The following NSD2 variants were observed in gnomAD, a reference collection of about 807,000 sequenced individuals.
NSD2 encodes the protein histone-lysine N-methyltransferase NSD2.
Under a neutral mutation model 139.0 loss-of-function variants are expected in NSD2, and 12 were observed. That is an observed-to-expected ratio of 0.09 (90% CI 0.06 to 0.14). NSD2 has a LOEUF of 0.14. Among genes scored for constraint, NSD2 ranks in the 10% least tolerant of loss-of-function variants. The pLI is 1.00. For synonymous variants in NSD2, 669 were observed against 648.7 expected (o/e 1.03, Z -0.48); for missense variants, 1,155 against 1,745.0 (o/e 0.66, Z 6.02).
At chr4:1,914,413 C>T (rs1344506380) in intron 3 of NSD2, among the ~76,000 whole-genome samples, 1 of 151,914 alleles carries the variant, frequency 6.6e-6, no homozygotes, top group South Asian at 2.1e-4. Context: ...GCAGTCTCCA[C>T]CTCCTGGGTT....
At position 1,981,903 on chromosome 4, in the gene NSD2, TA is replaced by T. The variant is rs2109047083; in HGVS notation, c.*2995del. The stretch of plus-strand genomic sequence containing the variant: ...TCCACGGGGTGTCACAGCCTCACCA[TA>T]CCCTGTTGAGGTGTGAAATGCCCCG... On this transcript the variant is annotated 3_prime_UTR_variant, in exon 22 of 22. Transcript: ENST00000508803. 1 of 398,682 alleles carries T rather than the reference TA, an allele frequency of 2.5e-6. No individual in the cohort carries two copies. Among genetic ancestry groups the T allele is most frequent in the East Asian group, 3.6e-5 (1 of 28,088 alleles). 24.7% of individuals were successfully genotyped at this position (398,682 alleles called of 1,614,324 possible).
chr4:1,925,389 CTTTTTTT>C (rs34335852), intron 5 of NSD2, among the ~76,000 whole-genome samples: 4 of 37,998 alleles, frequency 1.1e-4, no homozygotes, highest in South Asian at 3.9e-3. Context: ...CTTTTTCTTT[CTTTTTTT>C]TTTTTTTTTT....
At chr4:1,878,722 G>C (rs1479046136) in intron 1 of NSD2, among the ~76,000 whole-genome samples, 1 of 152,164 alleles carries the variant, frequency 6.6e-6, no homozygotes, top group Non-Finnish European at 1.5e-5. Flanking sequence ...ATTTTGCCTT[G>C]ATGTGGAGTT....
Position 1,951,085 on chromosome 4 carries a change from C to A in NSD2, c.1895C>A (p.Pro632Gln). Residue 632 changes from proline (P) to glutamine (Q), a missense_variant, in exon 10 of 22, where the codon CCG (proline) becomes CAG (glutamine). Transcript: ENST00000508803. Reference protein sequence around the residue: ...SLTENEVSDSPGDEPSESPYE... With the variant: ...SLTENEVSDSQGDEPSESPYE... ...CTTCATCTCTAGGTCTCGGACAGCCCGGGAGACGAGCCCTCGGAGTCCCCA... is the reference window on the plus strand; with the variant it reads ...CTTCATCTCTAGGTCTCGGACAGCCAGGGAGACGAGCCCTCGGAGTCCCCA... 1 of 1,614,084 alleles carries A rather than the reference C, an allele frequency of 6.2e-7. No homozygotes were observed.
At chr4:1,938,302 G>T in intron 7 of NSD2, 149 bp from the exon 8 acceptor site, 3 of 625,230 alleles carry the variant, frequency 4.8e-6, no homozygotes, top group Non-Finnish European at 7.4e-6. Context: ...TTTCTGCCAC[G>T]AAACTTTTCA....
rs1349122711 is a variant in NSD2, at chr4:1,955,438, T to A, written c.2518+98T>A. 1 of 1,426,762 alleles carries A rather than the reference T, an allele frequency of 7.0e-7. No individual in the cohort carries two copies. Among genetic ancestry groups the A allele is most frequent in the Non-Finnish European group, 9.3e-7 (1 of 1,073,054 alleles). The allele number at this position is 1,426,762 out of a possible 1,614,324, so 88.4% of individuals were successfully genotyped here. Reference sequence around the variant, plus strand: ...TCCTTGTCTGCGCTGTGTTCATTGATGTTGACAGTGTTCTGTGCGTCTTCA... The same window carrying A: ...TCCTTGTCTGCGCTGTGTTCATTGAAGTTGACAGTGTTCTGTGCGTCTTCA... On this transcript the variant is annotated intron_variant, in intron 13 of 21. Coordinates refer to ENST00000508803, the MANE Select transcript of NSD2 (RefSeq NM_001042424.3). The surrounding 1 kb of genome is among the most constrained non-coding windows in gnomAD (Gnocchi z 4.7).
chr4:1,916,825 C>T, intron 3 of NSD2, 46 bp from the exon 4 acceptor site: 4 of 1,568,908 alleles, frequency 2.5e-6, no homozygotes, highest in African/African-American at 1.4e-5. Flanking sequence ...CTAGTTTCAT[C>T]CCAGATTCTA....
intron 5 of NSD2, among the ~76,000 whole-genome samples, chr4:1,929,270 G>GGA (rs1721339654): frequency 6.6e-6 from 1 of 152,098 alleles, no homozygotes; most frequent in Non-Finnish European, 1.5e-5. Context: ...GACTGTCTTG[G>GGA]GAGGAGGGGT....
chr4:1,928,495 C>T (rs866791474), intron 5 of NSD2, among the ~76,000 whole-genome samples: 1 of 152,172 alleles, frequency 6.6e-6, no homozygotes, highest in African/African-American at 2.4e-5. Flanking sequence ...CATACAGTTT[C>T]ACCGTGAAGC....
In NSD2 at chr4:1,918,496, A is replaced by G; in HGVS notation, c.1283A>G (p.Glu428Gly). The part of the protein sequence containing the change: ...IGKSTPQKTA[E>G]ADPRRGVGSP... ...AAGAGTACTCCTCAAAAGACGGCAG[A>G]GGCTGACCCCAGAAGAGGAGTAGGG... The change falls in exon 5 of 22, where the codon GAG (glutamate) becomes GGG (glycine). Residue 428 changes from glutamate (E) to glycine (G), a missense_variant. Glu to Gly is a moderately conservative substitution (Grantham distance 98, BLOSUM62 -2). Coordinates refer to ENST00000508803, the MANE Select transcript of NSD2 (RefSeq NM_001042424.3). 1 of 1,614,066 alleles carries G rather than the reference A, an allele frequency of 6.2e-7. No individual in the cohort carries two copies. Among genetic ancestry groups the G allele is most frequent in the South Asian group, 1.1e-5 (1 of 91,068 alleles).
At chr4:1,911,518 A>G (rs28516674) in intron 3 of NSD2, among the ~76,000 whole-genome samples, 13,960 of 150,086 alleles carry the variant, frequency 0.093, 2,006 homozygotes, top group African/African-American at 0.31. Flanking sequence ...AGCCCAGGAG[A>G]CAGAGGTTGC....
intron 9 of NSD2, among the ~76,000 whole-genome samples, chr4:1,949,491 G>A (rs752790209): frequency 3.3e-5 from 5 of 151,992 alleles, no homozygotes; most frequent in African/African-American, 4.8e-5. Flanking sequence ...GGCTGGGTGC[G>A]GTGGCTCATG....
chr4:1,941,671 T>G, intron 9 of NSD2: 2 of 1,045,044 alleles, frequency 1.9e-6, no homozygotes, highest in Non-Finnish European at 2.3e-6. Context: ...GATCCCATAG[T>G]GTGCATCATG....
intron 5 of NSD2, among the ~76,000 whole-genome samples, chr4:1,924,599 CTG>C (rs1720603606): frequency 6.6e-6 from 1 of 151,964 alleles, no homozygotes; most frequent in African/African-American, 2.4e-5. Flanking sequence ...TAAAACCAAA[CTG>C]AAGGTATACA....
intron 19 of NSD2, 121 bp from the exon 20 acceptor site, chr4:1,975,173 G>A: frequency 2.1e-6 from 3 of 1,396,384 alleles, no homozygotes; most frequent in Non-Finnish European, 3.0e-6. Context: ...AAAGGCCATG[G>A]GTCAAGCCAG....
chr4:1,933,264 T>G (rs927370618), intron 6 of NSD2, among the ~76,000 whole-genome samples: 2 of 152,208 alleles, frequency 1.3e-5, no homozygotes, highest in African/African-American at 4.8e-5. Context: ...CACTTACTTG[T>G]ACCTCTGCCT....
At position 1,917,186 on chromosome 4, in the gene NSD2, C is replaced by A. The variant is rs1719504621; in HGVS notation, c.927+149C>A. 7 of 895,206 alleles carry A rather than the reference C, an allele frequency of 7.8e-6. No individual in the cohort carries two copies. In the South Asian group the frequency reaches 1.2e-4, roughly 16 times the overall value. The allele number at this position is 895,206 out of a possible 1,614,324, so 55.5% of individuals were successfully genotyped here. A position where few individuals can be genotyped will look rare whatever the true frequency, so the allele number is the denominator to read the frequency against. The stretch of plus-strand genomic sequence containing the variant: ...ATTGTTGACTTTTGCCCAAGGATGC[C>A]ATGTTACAATATGATAAAGTTCTTT... On this transcript the variant is annotated intron_variant, in intron 4 of 21. Transcript: ENST00000508803.
rs76768118 is a variant in NSD2, at chr4:1,957,558, G to A, written c.2882-375G>A. On this transcript the variant is annotated intron_variant, in intron 15 of 21. Transcript: ENST00000508803. ...CTGCCTCGGCCTCCCAAAGTGCTTC[G>A]ATTACAGGCGTGAGCCACTGCACCC... Among the ~76,000 whole-genome samples the A allele has an allele frequency of 9.9e-5, 15 of 151,490 alleles. No homozygotes were observed. The East Asian group carries it at 1.9e-3, about 20-fold the overall frequency.
At chr4:1,946,171 C>T in intron 9 of NSD2, 2 of 1,022,768 alleles carry the variant, frequency 2.0e-6, no homozygotes, top group Non-Finnish European at 2.3e-6. Context: ...ACTGAGGTAA[C>T]TGTCATTAGA....
Sources: allele counts gnomAD v4.1 joint callset (sites outside exome capture counted in the v4.1 genomes callset), GRCh38; gene constraint gnomAD v4.1.1; non-coding constraint Gnocchi (gnomAD v3.1); transcripts MANE v1.5; gene names NCBI Gene and HGNC (gene_info 2026-07-23, HGNC 2026-07-21).